Variants in PDZD2 observed in about 807,000 individuals in gnomAD.
The protein encoded by PDZD2 is PDZ domain containing 2, also known as PDZ domain-containing protein 2.
PDZD2 carries 90 observed loss-of-function variants against 220.7 expected under a neutral mutation model. The observed-to-expected ratio is 0.41, with a 90% CI of 0.34 to 0.49. PDZD2 has a LOEUF of 0.49. PDZD2 is among the 20% of genes least tolerant of loss of function. The pLI is 0.28. For missense variants in PDZD2, 3,174 were observed against 3,608.5 expected (o/e 0.88, Z 3.08); for synonymous variants, 1,375 against 1,450.5 (o/e 0.95, Z 1.18).
At chr5:31,879,158 C>CGGGCG (rs956689904) in intron 2 of PDZD2, among the ~76,000 whole-genome samples, 7 of 151,556 alleles carry the variant, frequency 4.6e-5, no homozygotes, top group Non-Finnish European at 8.8e-5. Context: ...GAGGCCGAGG[C>CGGGCG]GGGCGGATCA....
At chr5:31,884,214 A>C (rs928380105) in intron 2 of PDZD2, among the ~76,000 whole-genome samples, 3 of 128,452 alleles carry the variant, frequency 2.3e-5, no homozygotes. Flanking sequence ...CTCCATCTCA[A>C]AAATAACTGC....
chr5:31,880,726 G>A (rs565949016), intron 2 of PDZD2, among the ~76,000 whole-genome samples: 1 of 147,224 alleles, frequency 6.8e-6, no homozygotes, highest in South Asian at 2.3e-4. Context: ...TGGCAGCCAA[G>A]TCGGGTAAAC....
At chr5:31,678,533 G>A (rs981646897) in intron 1 of PDZD2, among the ~76,000 whole-genome samples, 2 of 151,938 alleles carry the variant, frequency 1.3e-5, no homozygotes, top group African/African-American at 2.4e-5. Context: ...GGTGGGGGAC[G>A]TCTGGAGCCT....
At chr5:31,718,314 G>A (rs941506706) in intron 1 of PDZD2, among the ~76,000 whole-genome samples, 8 of 152,180 alleles carry the variant, frequency 5.3e-5, no homozygotes, top group African/African-American at 1.7e-4. Context: ...AGAGGCAGAT[G>A]GGCCTGGGGG....
At chr5:32,042,206 G>T (rs1756238248) in intron 7 of PDZD2, among the ~76,000 whole-genome samples, 2 of 150,290 alleles carry the variant, frequency 1.3e-5, no homozygotes, top group Admixed American at 6.6e-5. Context: ...AGCTTGCAGT[G>T]AGCCGAGATT....
intron 2 of PDZD2, among the ~76,000 whole-genome samples, chr5:31,872,990 AAAT>A (rs1350962133): frequency 1.3e-5 from 2 of 152,278 alleles, no homozygotes; most frequent in South Asian, 2.1e-4. Flanking sequence ...AAAAATATAT[AAAT>A]AATCTAGTTT....
chr5:32,089,695 C>T lies in PDZD2; in HGVS notation c.6247C>T (p.Arg2083Cys), dbSNP rs145699471. The T allele has an allele frequency of 1.7e-4, 281 of 1,614,168 alleles. No homozygotes were observed. The highest frequency in any genetic ancestry group is 1.6e-3 in the South Asian group (146 of 91,084). The change falls in exon 20 of 25, where the codon CGC (arginine) becomes TGC (cysteine). Residue 2083 changes from arginine (R) to cysteine (C), a missense_variant. Arg to Cys is a radical substitution (Grantham distance 180). Transcript: ENST00000438447. The part of the protein sequence containing the change: ...EKGGNIMASD[R>C]LERTNQLKIV... ...AGGAGGCAACATAATGGCCAGCGAT[C>T]GCCTCGAAAGAACAAACCAGCTGAA... is the stretch of plus-strand genomic sequence containing the variant.
chr5:31,857,229 C>T (rs1434017741), intron 2 of PDZD2, among the ~76,000 whole-genome samples: 4 of 152,138 alleles, frequency 2.6e-5, no homozygotes, highest in East Asian at 1.9e-4. Flanking sequence ...TACATACTGC[C>T]CACTGGGTCC....
At chr5:31,896,733 G>A (rs192950565) in intron 2 of PDZD2, among the ~76,000 whole-genome samples, 5 of 152,334 alleles carry the variant, frequency 3.3e-5, no homozygotes, top group African/African-American at 1.2e-4. Flanking sequence ...GCCAAGGTGG[G>A]AATATTGCTT....
Position 31,902,862 on chromosome 5 carries a change from TCAAA to T in PDZD2, c.477-80280_477-80277del, listed in dbSNP as rs564395580. Among the ~76,000 whole-genome samples, 9 of 151,408 alleles carry T rather than the reference TCAAA, an allele frequency of 5.9e-5. No homozygotes were observed. In the South Asian group the frequency reaches 1.5e-3, roughly 25 times the overall value. On this transcript the variant is annotated intron_variant, in intron 2 of 24. Transcript: ENST00000438447. ...GCCTGGATGACAGTGAGACTCCATC[TCAAA>T]CAAACAAACAAAAACTTAAAATTTT...
chr5:31,868,446 A>AAAAT (rs930557356), intron 2 of PDZD2, among the ~76,000 whole-genome samples: 9 of 152,296 alleles, frequency 5.9e-5, no homozygotes, highest in Admixed American at 2.6e-4. Flanking sequence ...ACTCCATCTC[A>AAAAT]AAATAAATAA....
chr5:31,975,907 G>A (rs747122469), intron 2 of PDZD2, among the ~76,000 whole-genome samples: 27 of 148,054 alleles, frequency 1.8e-4, no homozygotes, highest in Non-Finnish European at 3.4e-4. Context: ...AGGCTCAAGC[G>A]ATCTTCCCGC....
intron 6 of PDZD2, among the ~76,000 whole-genome samples, chr5:32,030,808 T>C (rs184870933): frequency 1.7e-3 from 258 of 152,308 alleles, no homozygotes; most frequent in Middle Eastern, 6.8e-3. Context: ...CCTATTCTCC[T>C]CCTGCCAGGC....
At chr5:32,025,681 A>C (rs1754602378) in intron 6 of PDZD2, among the ~76,000 whole-genome samples, 1 of 130,244 alleles carries the variant, frequency 7.7e-6, no homozygotes, top group Non-Finnish European at 1.6e-5. Context: ...GGCTCACTAC[A>C]ACCTCCACCT....
At chr5:31,898,178 G>A (rs559777023) in intron 2 of PDZD2, among the ~76,000 whole-genome samples, 20 of 152,304 alleles carry the variant, frequency 1.3e-4, no homozygotes, top group Admixed American at 2.6e-4. Context: ...GAGTATGGTC[G>A]GATCCAGAGC....
At chr5:32,053,021 AT>A (rs1387357263) in intron 9 of PDZD2, among the ~76,000 whole-genome samples, 11 of 152,218 alleles carry the variant, frequency 7.2e-5, no homozygotes, top group Non-Finnish European at 1.3e-4. Context: ...TTTACATGAA[AT>A]GAAAAGTAAC....
At chr5:31,845,775 A>G (rs935587729) in intron 2 of PDZD2, among the ~76,000 whole-genome samples, 2 of 152,186 alleles carry the variant, frequency 1.3e-5, no homozygotes, top group Admixed American at 1.3e-4. Context: ...ATAATAGTAC[A>G]TATTCTAAGA....
At chr5:32,053,038 TAA>T (rs1383005196) in intron 9 of PDZD2, among the ~76,000 whole-genome samples, 1 of 152,242 alleles carries the variant, frequency 6.6e-6, no homozygotes, top group Non-Finnish European at 1.5e-5. Flanking sequence ...GTAACAGGTA[TAA>T]AGAAGGACCG....
In PDZD2 at chr5:31,793,857, G is replaced by T. The variant is rs150920281; in HGVS notation, c.-360-5032G>T. 2.8e-3 allele frequency among the ~76,000 whole-genome samples: 430 copies of T among 152,248 alleles called. 1 individual carries two copies. Among genetic ancestry groups the T allele is most frequent in the Non-Finnish European group, 5.0e-3 (341 of 68,020 alleles). Reference sequence around the variant, plus strand: ...AAAGTTGAAGGAAACGGGAGGTCTGGAAAGTCCCTTGGGCACGCACAGTTG... The same window carrying T: ...AAAGTTGAAGGAAACGGGAGGTCTGTAAAGTCCCTTGGGCACGCACAGTTG... On this transcript the variant is annotated intron_variant, in intron 1 of 24. Transcript: ENST00000438447.
Sources: gnomAD v4.1 joint callset for allele counts (sites outside exome capture counted in the v4.1 genomes callset) on GRCh38, gnomAD v4.1.1 for gene constraint, MANE v1.5 for transcripts, NCBI Gene and HGNC (gene_info 2026-07-23, HGNC 2026-07-21) for gene names.